The following PTPRQ variants were observed in gnomAD, a reference collection of about 807,000 sequenced individuals.
PTPRQ encodes protein tyrosine phosphatase receptor type Q.
Under a neutral mutation model 246.0 loss-of-function variants are expected in PTPRQ, and 199 were observed. The ratio of observed to expected loss-of-function variants is 0.81; its 90% CI spans 0.72 to 0.91. The LOEUF (loss-of-function observed/expected upper bound fraction) is 0.91, where lower values mean the gene tolerates loss of function less well. PTPRQ is among the 40% of genes least tolerant of loss of function. The pLI is 0.00. For synonymous variants in PTPRQ, 869 were observed against 853.2 expected, an observed-to-expected ratio of 1.02 and a Z score of -0.32; for missense variants, 2,624 against 2,528.4, an observed-to-expected ratio of 1.04 and a Z score of -0.81.
At chr12:80,617,187 A>G (rs146746210) in intron 30 of PTPRQ, among the ~76,000 whole-genome samples, 7 of 151,246 alleles carry the variant, frequency 4.6e-5, no homozygotes, top group African/African-American at 1.4e-4. Context: ...CTTAACCTCT[A>G]TAGGCCTGAA....
chr12:80,445,819 G>C, intron 3 of PTPRQ, 102 bp downstream of exon 3: 2 of 763,768 alleles, frequency 2.6e-6, no homozygotes, highest in Non-Finnish European at 4.4e-6. Context: ...GCTGAATACA[G>C]TCAGTGACTG....
intron 8 of PTPRQ, among the ~76,000 whole-genome samples, chr12:80,481,775 G>A (rs1345833136): frequency 7.9e-5 from 12 of 152,100 alleles, no homozygotes; most frequent in South Asian, 2.1e-4. Flanking sequence ...CCCATTCACA[G>A]TTGCTTCAAA....
chr12:80,466,194 C>T (rs1270849382), intron 6 of PTPRQ, among the ~76,000 whole-genome samples: 1 of 152,118 alleles, frequency 6.6e-6, no homozygotes, highest in Non-Finnish European at 1.5e-5. Context: ...AAATCATAGG[C>T]ATTCTTATAC....
At chr12:80,453,032 T>C (rs1020131102) in intron 3 of PTPRQ, among the ~76,000 whole-genome samples, 3 of 152,236 alleles carry the variant, frequency 2.0e-5, no homozygotes, top group Non-Finnish European at 2.9e-5. Flanking sequence ...TCTTTTCACA[T>C]AGTCCCGTAT....
chr12:80,448,016 C>A (rs2120397058), intron 3 of PTPRQ, among the ~76,000 whole-genome samples: 1 of 152,080 alleles, frequency 6.6e-6, no homozygotes, highest in African/African-American at 2.4e-5. Flanking sequence ...TCTTCCAATC[C>A]AAGAGCATGG....
At chr12:80,478,983 C>T (rs1893928234) in intron 8 of PTPRQ, among the ~76,000 whole-genome samples, 1 of 151,976 alleles carries the variant, frequency 6.6e-6, no homozygotes, top group Non-Finnish European at 1.5e-5. Context: ...CTTCCCCAAT[C>T]TAGCAAGGCA....
intron 8 of PTPRQ, among the ~76,000 whole-genome samples, chr12:80,482,566 A>G (rs1467547347): frequency 6.6e-6 from 1 of 150,562 alleles, no homozygotes; most frequent in African/African-American, 2.5e-5. Context: ...AGCAAAAGAA[A>G]CTACCATCAG....
In PTPRQ at chr12:80,605,157, T is replaced by C. The variant is rs1158434010; in HGVS notation, c.4708T>C (p.Cys1570Arg). ...ACCTGCTGTCATTACTGGACCAACATGTTATCTGATTGATGTCAAATCGGT... is the reference window on the plus strand; with the variant it reads ...ACCTGCTGTCATTACTGGACCAACACGTTATCTGATTGATGTCAAATCGGT... Reference protein sequence around the residue: ...SEPAVITGPTCYLIDVKSVDN... With the variant: ...SEPAVITGPTRYLIDVKSVDN... The change falls in exon 27 of 45, where the codon TGT becomes CGT. Residue 1570 changes from cysteine (C) to arginine (R), a missense_variant. Coordinates refer to ENST00000644991, the MANE Select transcript of PTPRQ (RefSeq NM_001145026.2). 6.5e-7 allele frequency: 1 copy of C among 1,542,932 alleles called. No individual in the cohort carries two copies. Among genetic ancestry groups the C allele is most frequent in the Non-Finnish European group, 8.8e-7 (1 of 1,142,146 alleles).
chr12:80,523,261 T>C (rs545502856), intron 17 of PTPRQ, among the ~76,000 whole-genome samples: 5 of 152,172 alleles, frequency 3.3e-5, no homozygotes, highest in Non-Finnish European at 5.9e-5. Flanking sequence ...TCTTTCCTTC[T>C]TTATTAGTCT....
At chr12:80,483,599 T>G (rs1289968039) in intron 8 of PTPRQ, among the ~76,000 whole-genome samples, 1 of 152,216 alleles carries the variant, frequency 6.6e-6, no homozygotes, top group Admixed American at 6.5e-5. Flanking sequence ...CAAAAATTTA[T>G]TATACTTTCA....
chr12:80,645,486 T>C (rs987988204), intron 35 of PTPRQ, among the ~76,000 whole-genome samples: 2 of 151,816 alleles, frequency 1.3e-5, no homozygotes, highest in Admixed American at 1.3e-4. Context: ...ATCCACAATT[T>C]TATATTTGAT....
At chr12:80,624,794 CA>C (rs1697716931) in intron 33 of PTPRQ, among the ~76,000 whole-genome samples, 2 of 152,146 alleles carry the variant, frequency 1.3e-5, no homozygotes, top group African/African-American at 4.8e-5. Flanking sequence ...CGCTGTAGAT[CA>C]GGGGTGTCCA....
intron 9 of PTPRQ, among the ~76,000 whole-genome samples, chr12:80,484,963 A>G (rs1048679518): frequency 2.0e-5 from 3 of 152,148 alleles, no homozygotes; most frequent in African/African-American, 4.8e-5. Context: ...AATTTGGAAC[A>G]GTTGCCAGTG....
chr12:80,556,733 C>T (rs1243994331), intron 25 of PTPRQ, among the ~76,000 whole-genome samples: 1 of 152,130 alleles, frequency 6.6e-6, no homozygotes, highest in East Asian at 1.9e-4. Context: ...TGCCCTCCGA[C>T]ACCCTCACTA....
intron 29 of PTPRQ, among the ~76,000 whole-genome samples, chr12:80,614,319 G>A (rs946208276): frequency 6.6e-6 from 1 of 150,704 alleles, no homozygotes; most frequent in Non-Finnish European, 1.5e-5. Context: ...GGACAGAAAT[G>A]TATGCATGAG....
At chr12:80,461,415 G>C (rs1464066483) in intron 6 of PTPRQ, among the ~76,000 whole-genome samples, 1 of 152,064 alleles carries the variant, frequency 6.6e-6, no homozygotes, top group Non-Finnish European at 1.5e-5. Flanking sequence ...TAGGGTGCCA[G>C]TGTTAAAATT....
rs913858999 is a variant in PTPRQ at position 80,495,315 on chromosome 12, T to C, written c.1826T>C (p.Leu609Ser). Residue 609 changes from leucine to serine, a missense_variant, in exon 12 of 45, where the codon TTG becomes TCG. By Grantham distance (145) the Leu-to-Ser change is moderately radical (BLOSUM62 -2). Coordinates refer to ENST00000644991, the MANE Select transcript of PTPRQ (RefSeq NM_001145026.2). ...ITHYTIYAME[L>S]DTNRAFQITT... ...CACTATACGATTTATGCAATGGAAT[T>C]GGATACAAACAGAGCATTCCAGATA... 89 of 1,544,964 alleles carry C rather than the reference T, an allele frequency of 5.8e-5. No individual in the cohort carries two copies. The highest frequency in any genetic ancestry group is 7.7e-5 in the Non-Finnish European group (88 of 1,145,018).
chr12:80,612,508 T>G (rs1489515585), intron 28 of PTPRQ, among the ~76,000 whole-genome samples: 1 of 150,380 alleles, frequency 6.6e-6, no homozygotes. Flanking sequence ...GATAAGGTAA[T>G]AATTTAAAAT....
intron 26 of PTPRQ, among the ~76,000 whole-genome samples, chr12:80,590,349 C>T (rs886941367): frequency 5.9e-5 from 9 of 152,054 alleles, no homozygotes; most frequent in Non-Finnish European, 1.3e-4. Context: ...CAACCTAAAG[C>T]AGATGATGTC....
Sources: gnomAD v4.1 joint callset for allele counts (sites outside exome capture counted in the v4.1 genomes callset) on GRCh38, gnomAD v4.1.1 for gene constraint, MANE v1.5 for transcripts, NCBI Gene and HGNC (gene_info 2026-07-23, HGNC 2026-07-21) for gene names.